MAGI1: variants seen among roughly 807,000 people sequenced by gnomAD.
MAGI1 encodes membrane-associated guanylate kinase, WW and PDZ domain-containing protein 1.
Under a neutral mutation model 139.9 loss-of-function variants are expected in MAGI1, and 58 were observed. That is an observed-to-expected ratio of 0.41 (90% CI 0.34 to 0.52). The LOEUF is 0.52. Ranked by LOEUF, MAGI1 falls within the 20% of genes least tolerant of loss-of-function variation. The pLI, the probability that MAGI1 is intolerant of heterozygous loss-of-function variation, is 0.12. For missense variants in MAGI1, 1,874 were observed against 1,901.6 expected, an observed-to-expected ratio of 0.99 and a Z score of 0.27; for synonymous variants, 812 against 737.9, an observed-to-expected ratio of 1.10 and a Z score of -1.63.
At position 65,986,141 on chromosome 3, in the gene MAGI1, C is replaced by T. The variant is rs201505002; in HGVS notation, c.313+51855G>A. 7.2e-5 allele frequency among the ~76,000 whole-genome samples: 11 copies of T among 152,284 alleles called. No individual in the cohort carries two copies. The East Asian group carries it at 2.1e-3, about 29-fold the overall frequency. Reference sequence around the variant, plus strand: ...TAGCTGATTGATCATGGTGCCTCTTCTCACTAAACACAGGCATGTTTGCAA... The same window carrying T: ...TAGCTGATTGATCATGGTGCCTCTTTTCACTAAACACAGGCATGTTTGCAA... On this transcript the variant is annotated intron_variant, in intron 1 of 22. Coordinates refer to ENST00000402939, the MANE Select transcript of MAGI1 (RefSeq NM_001033057.2).
At chr3:65,744,713 GTAAGA>G (rs1260692880) in intron 1 of MAGI1, among the ~76,000 whole-genome samples, 10 of 151,684 alleles carry the variant, frequency 6.6e-5, no homozygotes, top group Non-Finnish European at 8.8e-5. Context: ...TTTAATAAAG[GTAAGA>G]AAAAGATGCG....
intron 1 of MAGI1, among the ~76,000 whole-genome samples, chr3:65,795,514 TGA>T (rs2040067687): frequency 6.6e-6 from 1 of 152,176 alleles, no homozygotes; most frequent in Admixed American, 6.5e-5. Flanking sequence ...TATTAGTGAC[TGA>T]GAGGGGTTTT....
intron 4 of MAGI1, 73 bp from the exon 5 acceptor site, chr3:65,470,557 CA>C: frequency 1.1e-6 from 1 of 943,922 alleles, no homozygotes; most frequent in Admixed American, 2.1e-5. Context: ...AATCATACCC[CA>C]TACCCGGGAA....
chr3:65,368,610 A>T (rs1160742892), intron 18 of MAGI1, among the ~76,000 whole-genome samples: 3 of 152,220 alleles, frequency 2.0e-5, no homozygotes, highest in African/African-American at 7.2e-5. Context: ...TCAACAAAGG[A>T]TACAATTATT....
At chr3:65,546,183 G>A (rs1353667285) in intron 2 of MAGI1, among the ~76,000 whole-genome samples, 3 of 151,934 alleles carry the variant, frequency 2.0e-5, no homozygotes, top group Admixed American at 1.3e-4. Flanking sequence ...GCTTTGTCTC[G>A]TTGAACAATA....
intron 1 of MAGI1, among the ~76,000 whole-genome samples, chr3:66,027,179 A>G (rs1364813227): frequency 6.6e-6 from 1 of 151,778 alleles, no homozygotes; most frequent in Non-Finnish European, 1.5e-5. Flanking sequence ...GAGGCAGGAG[A>G]ATGGCGTGAA....
intron 1 of MAGI1, among the ~76,000 whole-genome samples, chr3:65,965,699 G>C (rs565806085): frequency 6.6e-6 from 1 of 151,754 alleles, no homozygotes; most frequent in South Asian, 2.1e-4. Context: ...TTGTTTTTGA[G>C]ACGGAGTCTT....
At chr3:65,519,601 G>T (rs918239870) in intron 2 of MAGI1, among the ~76,000 whole-genome samples, 3 of 152,048 alleles carry the variant, frequency 2.0e-5, no homozygotes, top group African/African-American at 7.2e-5. Context: ...GGCCAGGCTG[G>T]TCTCAAACTC....
At chr3:65,753,611 C>G (rs965236274) in intron 1 of MAGI1, among the ~76,000 whole-genome samples, 6 of 151,290 alleles carry the variant, frequency 4.0e-5, no homozygotes, top group African/African-American at 1.5e-4. Context: ...ATCCCAGCTA[C>G]TCGGGAGGCT....
At chr3:65,617,642 T>C (rs1221845697) in intron 2 of MAGI1, among the ~76,000 whole-genome samples, 1 of 152,126 alleles carries the variant, frequency 6.6e-6, no homozygotes, top group Non-Finnish European at 1.5e-5. Flanking sequence ...GCCAAGTAAT[T>C]AGTGAAGTCC....
intron 1 of MAGI1, among the ~76,000 whole-genome samples, chr3:65,653,160 C>T (rs2085679335): frequency 6.6e-6 from 1 of 152,068 alleles, no homozygotes; most frequent in African/African-American, 2.4e-5. Flanking sequence ...CTTCTTGGAC[C>T]ACAAAGTCAC....
In MAGI1 at chr3:65,421,141, A is replaced by G. The variant is rs759825509; in HGVS notation, c.2167+8379T>C. Among the ~76,000 whole-genome samples, 6 of 152,368 alleles carry G rather than the reference A, an allele frequency of 3.9e-5. No individual in the cohort carries two copies. The East Asian group carries it at 1.2e-3, about 29-fold the overall frequency. On this transcript the variant is annotated intron_variant, in intron 12 of 22. Coordinates refer to ENST00000402939, the MANE Select transcript of MAGI1 (RefSeq NM_001033057.2). ...TTTATCTCATCTCTTGCTGTAAGTC[A>G]TCTCAAATATAAATGTGACCTGTCA...
At chr3:66,029,933 A>C (rs1429311507) in intron 1 of MAGI1, among the ~76,000 whole-genome samples, 1 of 152,136 alleles carries the variant, frequency 6.6e-6, no homozygotes. Flanking sequence ...ACCCCTTGTT[A>C]CCGTCATTTC....
intron 1 of MAGI1, among the ~76,000 whole-genome samples, chr3:65,896,980 C>T (rs933120718): frequency 6.6e-6 from 1 of 152,032 alleles, no homozygotes; most frequent in Non-Finnish European, 1.5e-5. Context: ...ACCAAAAATC[C>T]ACAGATGCTC....
intron 1 of MAGI1, among the ~76,000 whole-genome samples, chr3:66,012,594 C>T (rs1451168649): frequency 2.0e-5 from 3 of 151,880 alleles, no homozygotes; most frequent in Non-Finnish European, 2.9e-5. Flanking sequence ...GGCGAAACCC[C>T]ATCTCTACTA....
chr3:65,543,284 C>T (rs1200741991), intron 2 of MAGI1, among the ~76,000 whole-genome samples: 2 of 152,168 alleles, frequency 1.3e-5, no homozygotes, highest in South Asian at 2.1e-4. Context: ...CAAACAGGAA[C>T]ATTTTTACAC....
At chr3:65,535,909 A>T (rs2078938059) in intron 2 of MAGI1, among the ~76,000 whole-genome samples, 1 of 152,186 alleles carries the variant, frequency 6.6e-6, no homozygotes, top group South Asian at 2.1e-4. Flanking sequence ...GAGTTTAAGG[A>T]CCATGTTGAA....
At chr3:65,457,796 A>T (rs1949502257) in intron 5 of MAGI1, among the ~76,000 whole-genome samples, 1 of 152,216 alleles carries the variant, frequency 6.6e-6, no homozygotes, top group Non-Finnish European at 1.5e-5. Context: ...CTATGTTACA[A>T]ACAATTCAAT....
intron 1 of MAGI1, among the ~76,000 whole-genome samples, chr3:65,949,811 C>T (rs1379245511): frequency 6.6e-6 from 1 of 152,012 alleles, no homozygotes; most frequent in Non-Finnish European, 1.5e-5. Flanking sequence ...GGGCTGGGCA[C>T]GGTGGCACAT....
Sources: allele counts gnomAD v4.1 joint callset (sites outside exome capture counted in the v4.1 genomes callset), GRCh38; gene constraint gnomAD v4.1.1; transcripts MANE v1.5; gene names NCBI Gene and HGNC (gene_info 2026-07-23, HGNC 2026-07-21).